The following ASIC5 variants were observed in gnomAD, a reference collection of about 807,000 sequenced individuals.
ASIC5 encodes the protein acid sensing ion channel subunit family member 5.
In ASIC5, 52 loss-of-function variants were observed where a neutral mutation model predicts 51.2. The ratio of observed to expected loss-of-function variants is 1.02; its 90% confidence interval spans 0.81 to 1.28. The LOEUF is 1.28. Ranked by LOEUF, ASIC5 falls within the 50% of genes most tolerant of loss-of-function variation. The pLI is 0.00. For missense variants in ASIC5, 635 were observed against 595.0 expected, an observed-to-expected ratio of 1.07 and a Z score of -0.70; for synonymous variants, 231 against 200.7, an observed-to-expected ratio of 1.15 and a Z score of -1.28.
chr4:155,830,891 C>A (rs780627428), intron 9 of ASIC5, among the ~76,000 whole-genome samples: 1 of 152,122 alleles, frequency 6.6e-6, no homozygotes, highest in Non-Finnish European at 1.5e-5. Context: ...AGGACCATTC[C>A]GTTTTTGTAA....
intron 2 of ASIC5, 151 bp from the exon 3 acceptor site, chr4:155,854,465 A>G (rs1741475602): frequency 1.6e-6 from 1 of 632,912 alleles, no homozygotes; most frequent in Non-Finnish European, 2.8e-6. Flanking sequence ...GATGCCTAAG[A>G]AGTCTTTGAC....
chr4:155,831,032 C>T (rs1035879628), intron 9 of ASIC5, among the ~76,000 whole-genome samples: 14 of 152,152 alleles, frequency 9.2e-5, no homozygotes, highest in Non-Finnish European at 1.6e-4. Flanking sequence ...CTTCTGTCTC[C>T]GACACAGCTT....
chr4:155,865,129 T>C (rs1280197569), intron 1 of ASIC5: 1 of 151,986 alleles, frequency 6.6e-6, no homozygotes, highest in Admixed American at 6.6e-5. Flanking sequence ...TCCATTTCAT[T>C]CACTTACAAA....
intron 4 of ASIC5, among the ~76,000 whole-genome samples, chr4:155,846,777 G>A (rs959669957): frequency 3.3e-5 from 5 of 151,858 alleles, no homozygotes; most frequent in African/African-American, 9.7e-5. Flanking sequence ...AGAATATAAA[G>A]TTATATTCAG....
At chr4:155,857,937 T>A (rs1741587647) in intron 2 of ASIC5, among the ~76,000 whole-genome samples, 1 of 152,088 alleles carries the variant, frequency 6.6e-6, no homozygotes, top group African/African-American at 2.4e-5. Context: ...TTTTCTTGCA[T>A]CAAACAAATT....
intron 4 of ASIC5, among the ~76,000 whole-genome samples, chr4:155,850,265 C>A (rs906018170): frequency 2.0e-5 from 3 of 151,502 alleles, no homozygotes; most frequent in Non-Finnish European, 4.4e-5. Flanking sequence ...ATCAGAAACT[C>A]AAAAAAAATG....
chr4:155,842,556 A>G (rs1741144777), intron 5 of ASIC5, among the ~76,000 whole-genome samples: 1 of 152,166 alleles, frequency 6.6e-6, no homozygotes, highest in Non-Finnish European at 1.5e-5. Flanking sequence ...CCTTAAACAT[A>G]TATCCCAAAT....
chr4:155,831,539 A>G (rs1358751001), intron 9 of ASIC5, among the ~76,000 whole-genome samples: 3 of 152,172 alleles, frequency 2.0e-5, no homozygotes, highest in Non-Finnish European at 4.4e-5. Context: ...CAGGAGGCCA[A>G]TGTGGGCGGA....
chr4:155,852,479 T>TC (rs1229707980), intron 3 of ASIC5, among the ~76,000 whole-genome samples, 163 bp from the exon 4 acceptor site: 1 of 151,602 alleles, frequency 6.6e-6, no homozygotes, highest in East Asian at 1.9e-4. Context: ...TAGTTTTTTT[T>TC]TTTTGGTAAT....
chr4:155,843,362 A>G (rs1741164046), intron 5 of ASIC5, among the ~76,000 whole-genome samples: 1 of 152,030 alleles, frequency 6.6e-6, no homozygotes, highest in African/African-American at 2.4e-5. Flanking sequence ...TGCTTTTCCC[A>G]CTAATTTTCT....
At chr4:155,835,193 GA>G (rs1740949346) in intron 8 of ASIC5, among the ~76,000 whole-genome samples, 1 of 152,136 alleles carries the variant, frequency 6.6e-6, no homozygotes, top group Non-Finnish European at 1.5e-5. Context: ...CAGCAAAGCT[GA>G]AAGAGCTTTG....
chr4:155,862,098 G>A (rs1741722225), intron 2 of ASIC5, among the ~76,000 whole-genome samples: 1 of 152,082 alleles, frequency 6.6e-6, no homozygotes, highest in African/African-American at 2.4e-5. Context: ...CATTCTGGAA[G>A]TAATATCTAC....
intron 8 of ASIC5, among the ~76,000 whole-genome samples, chr4:155,834,462 T>C (rs1740934118): frequency 6.6e-6 from 1 of 152,188 alleles, no homozygotes; most frequent in Non-Finnish European, 1.5e-5. Context: ...TAACTGTCTC[T>C]GTGTGGGAGT....
rs1740839976 is a variant in ASIC5, at chr4:155,830,011, C to T, written c.1363G>A (p.Ala455Thr). 1.3e-6 allele frequency: 2 copies of T among 1,579,634 alleles called. No homozygotes were observed. Among genetic ancestry groups the T allele is most frequent in the South Asian group, 1.2e-5 (1 of 85,186 alleles). Residue 455 changes from alanine to threonine, a missense_variant, in exon 10 of 10, where the codon GCC becomes ACC. Transcript: ENST00000537611. ...ATTTCTATGATCGTGATCAGACTGGCCCCACAAAATAGACCCAGCTGACCA... is the reference window on the plus strand; with the variant it reads ...ATTTCTATGATCGTGATCAGACTGGTCCCACAAAATAGACCCAGCTGACCA... Reference protein sequence around the residue: ...LGGQLGLFCGASLITIIEIIE... With the variant: ...LGGQLGLFCGTSLITIIEIIE...
chr4:155,839,151 T>C (rs941219722), intron 6 of ASIC5, among the ~76,000 whole-genome samples: 1 of 152,208 alleles, frequency 6.6e-6, no homozygotes, highest in Non-Finnish European at 1.5e-5. Context: ...AATTTTCAAA[T>C]GTGAGTAGTT....
At chr4:155,852,071 A>T in intron 4 of ASIC5, 120 bp downstream of exon 4, 1 of 1,205,558 alleles carries the variant, frequency 8.3e-7, no homozygotes, top group Non-Finnish European at 1.2e-6. Context: ...AGACTAAATT[A>T]ACAAAAACTG....
rs546884896 is a variant in ASIC5 at position 155,856,367 on chromosome 4, G to C, written c.348-2053C>G. On this transcript the variant is annotated intron_variant, in intron 2 of 9. Coordinates refer to ENST00000537611, the MANE Select transcript of ASIC5 (RefSeq NM_017419.3). ...CCATATTAAATCCTTTCTCAGTCAA[G>C]GTAGGGCATACACAAAACACAAAAA... 4.6e-5 allele frequency among the ~76,000 whole-genome samples: 7 copies of C among 152,138 alleles called. No individual in the cohort carries two copies. The South Asian group carries it at 1.4e-3, about 31-fold the overall frequency.
intron 2 of ASIC5, among the ~76,000 whole-genome samples, chr4:155,860,490 C>T (rs1158278964): frequency 6.6e-6 from 1 of 151,706 alleles, no homozygotes; most frequent in Non-Finnish European, 1.5e-5. Context: ...ATTTGCTGAG[C>T]AATGCTGAGT....
rs77591504 is a variant in ASIC5, at chr4:155,863,432, A to G, written c.347+16T>C. The G allele has an allele frequency of 2.5e-6, 4 of 1,585,780 alleles. No homozygotes were observed. Among genetic ancestry groups the G allele is most frequent in the Non-Finnish European group, 3.4e-6 (4 of 1,163,116 alleles). Reference sequence around the variant, plus strand: ...AATTTATAGGAACTAATTATTTTTAAAAAAGTAATTTTTACCTGTTCAAAT... The same window carrying G: ...AATTTATAGGAACTAATTATTTTTAGAAAAGTAATTTTTACCTGTTCAAAT... On this transcript the variant is annotated intron_variant, in intron 2 of 9. Coordinates refer to ENST00000537611, the MANE Select transcript of ASIC5 (RefSeq NM_017419.3).
Sources: gnomAD v4.1 joint callset for allele counts (sites outside exome capture counted in the v4.1 genomes callset) on GRCh38, gnomAD v4.1.1 for gene constraint, MANE v1.5 for transcripts, NCBI Gene and HGNC (gene_info 2026-07-23, HGNC 2026-07-21) for gene names.